The following BNC2 variants were observed in gnomAD, a reference collection of about 807,000 sequenced individuals.
BNC2 encodes zinc finger protein basonuclin-2.
A neutral mutation model predicts 76.3 loss-of-function variants in BNC2; 20 were observed. The ratio of observed to expected loss-of-function variants is 0.26; its 90% CI spans 0.18 to 0.38. The LOEUF is 0.38. BNC2 is among the 10% of genes least tolerant of loss of function. BNC2 has a pLI of 1.00. For synonymous variants in BNC2, 582 were observed against 514.8 expected, an observed-to-expected ratio of 1.13 and a Z score of -1.77; for missense variants, 1,382 against 1,399.8, an observed-to-expected ratio of 0.99 and a Z score of 0.20.
chr9:16,687,275 G>A (rs1217456915), intron 3 of BNC2, among the ~76,000 whole-genome samples: 1 of 152,096 alleles, frequency 6.6e-6, no homozygotes, highest in Non-Finnish European at 1.5e-5. Flanking sequence ...TGTTTCATAT[G>A]AAAGAAATTA....
At chr9:16,760,036 C>T (rs1490387873) in intron 1 of BNC2, among the ~76,000 whole-genome samples, 1 of 152,144 alleles carries the variant, frequency 6.6e-6, no homozygotes, top group South Asian at 2.1e-4. Flanking sequence ...GACAGAAACT[C>T]TTACGAGCTA....
At chr9:16,654,298 C>G (rs1239549782) in intron 3 of BNC2, among the ~76,000 whole-genome samples, 1 of 152,156 alleles carries the variant, frequency 6.6e-6, no homozygotes, top group Non-Finnish European at 1.5e-5. Flanking sequence ...TTCATTCTAA[C>G]TAGAGTTCAG....
chr9:16,412,450 G>C lies in BNC2; in HGVS notation c.*6539C>G, dbSNP rs1045833533. ...GCAATATAATCTTACTTATGCCACT[G>C]ACTTGCAGGAAAATTTGCTCTAATT... On this transcript the variant is annotated 3_prime_UTR_variant, in exon 7 of 7. Transcript: ENST00000380672. 1 of 152,388 alleles carries C rather than the reference G, an allele frequency of 6.6e-6. No individual in the cohort carries two copies. The highest frequency in any genetic ancestry group is 2.4e-5 in the African/African-American group (1 of 41,438). The allele number at this position is 152,388 out of a possible 1,614,324, so 9.4% of individuals were successfully genotyped here.
intron 6 of BNC2, chr9:16,430,034 A>G (rs931438142): frequency 2.0e-6 from 1 of 492,674 alleles, no homozygotes; most frequent in Non-Finnish European, 4.1e-6. Flanking sequence ...ATGACACTGA[A>G]GTTTATCTTA....
intron 3 of BNC2, 61 bp downstream of exon 3, chr9:16,727,736 C>A: frequency 2.8e-6 from 4 of 1,406,498 alleles, no homozygotes; most frequent in South Asian, 2.5e-5. Context: ...CAAAAGTGCC[C>A]ATAACAATTC....
intron 4 of BNC2, among the ~76,000 whole-genome samples, chr9:16,557,652 A>T (rs1460952244): frequency 6.6e-6 from 1 of 151,972 alleles, no homozygotes; most frequent in African/African-American, 2.4e-5. Context: ...TTTCTCTTCA[A>T]CTTGCTTAAG....
intron 4 of BNC2, among the ~76,000 whole-genome samples, chr9:16,563,505 T>C (rs376134739): frequency 6.6e-6 from 1 of 152,208 alleles, no homozygotes; most frequent in East Asian, 1.9e-4. Context: ...TTAAAGCCCT[T>C]TTCCATAAAT....
chr9:16,844,272 G>C (rs1818908642), intron 1 of BNC2, among the ~76,000 whole-genome samples: 1 of 152,008 alleles, frequency 6.6e-6, no homozygotes, highest in Non-Finnish European at 1.5e-5. Flanking sequence ...CTGGGTTTGA[G>C]TTGGGGGCTT....
intron 3 of BNC2, among the ~76,000 whole-genome samples, chr9:16,707,457 G>C (rs1326755697): frequency 6.6e-6 from 1 of 151,950 alleles, no homozygotes; most frequent in Non-Finnish European, 1.5e-5. Context: ...AAAGTATCTT[G>C]GACCAATATT....
At chr9:16,632,531 G>T (rs564142068) in intron 3 of BNC2, among the ~76,000 whole-genome samples, 1 of 152,248 alleles carries the variant, frequency 6.6e-6, no homozygotes, top group South Asian at 2.1e-4. Context: ...GGAACAATTT[G>T]TCAAGGCTCT....
intron 1 of BNC2, among the ~76,000 whole-genome samples, chr9:16,809,905 T>G (rs1463336228): frequency 2.6e-5 from 4 of 152,106 alleles, no homozygotes; most frequent in Non-Finnish European, 5.9e-5. Flanking sequence ...ATTATTTAAA[T>G]TGTATAAAAA....
At chr9:16,709,433 A>G (rs1823770760) in intron 3 of BNC2, among the ~76,000 whole-genome samples, 1 of 152,210 alleles carries the variant, frequency 6.6e-6, no homozygotes, top group African/African-American at 2.4e-5. Flanking sequence ...TTAATTAAAC[A>G]GTACACTTGC....
At position 16,418,176 on chromosome 9, in the gene BNC2, T is replaced by A. The variant is rs1820625273; in HGVS notation, c.*813A>T. On this transcript the variant is annotated 3_prime_UTR_variant, in exon 7 of 7. Coordinates refer to ENST00000380672, the MANE Select transcript of BNC2 (RefSeq NM_017637.6). ...CTTGTAGTGTATGAAAAAAAGTGCA[T>A]GACGGGATTTATGTACTAGTACAGG... 6.6e-6 allele frequency: 1 copy of A among 152,660 alleles called. No individual in the cohort carries two copies. Among genetic ancestry groups the A allele is most frequent in the Non-Finnish European group, 1.5e-5 (1 of 68,044 alleles). The allele number at this position is 152,660 out of a possible 1,614,324, so 9.5% of individuals were successfully genotyped here. A position where few individuals can be genotyped will look rare whatever the true frequency, so the allele number is the denominator to read the frequency against.
intron 4 of BNC2, among the ~76,000 whole-genome samples, chr9:16,579,620 T>C (rs1587194821): frequency 6.6e-6 from 1 of 152,160 alleles, no homozygotes; most frequent in African/African-American, 2.4e-5. Context: ...TAAAGATTTT[T>C]GTAAAGTAGT....
At chr9:16,475,413 C>T (rs186729864) in intron 5 of BNC2, among the ~76,000 whole-genome samples, 1 of 152,194 alleles carries the variant, frequency 6.6e-6, no homozygotes, top group Admixed American at 6.5e-5. Context: ...GGGCTCTCTA[C>T]TTAATGTGAT....
chr9:16,790,066 C>T (rs2135645159), intron 1 of BNC2, among the ~76,000 whole-genome samples: 1 of 152,290 alleles, frequency 6.6e-6, no homozygotes, highest in African/African-American at 2.4e-5. Context: ...GTGGCGCGAT[C>T]TCGGCTCACT....
At chr9:16,451,338 A>T (rs1252070145) in intron 5 of BNC2, among the ~76,000 whole-genome samples, 1 of 152,198 alleles carries the variant, frequency 6.6e-6, no homozygotes, top group Non-Finnish European at 1.5e-5. Flanking sequence ...TTAAAAAAAT[A>T]GCAGGATTTC....
At chr9:16,752,865 A>C (rs770224084) in intron 1 of BNC2, among the ~76,000 whole-genome samples, 1 of 152,246 alleles carries the variant, frequency 6.6e-6, no homozygotes, top group Non-Finnish European at 1.5e-5. Context: ...AAAGGGAGAG[A>C]AAATCTGACA....
At chr9:16,631,894 G>A (rs1158355741) in intron 3 of BNC2, among the ~76,000 whole-genome samples, 1 of 152,162 alleles carries the variant, frequency 6.6e-6, no homozygotes, top group Non-Finnish European at 1.5e-5. Flanking sequence ...TAGCCAACCA[G>A]GCAAGATAAG....
Sources: gnomAD v4.1 joint callset for allele counts (sites outside exome capture counted in the v4.1 genomes callset) on GRCh38, gnomAD v4.1.1 for gene constraint, MANE v1.5 for transcripts, NCBI Gene and HGNC (gene_info 2026-07-23, HGNC 2026-07-21) for gene names.